Variants in FAM135B observed in about 807,000 individuals in gnomAD.
The protein encoded by FAM135B is family with sequence similarity 135 member B, also known as protein FAM135B.
In FAM135B, 43 loss-of-function variants were observed where a neutral mutation model predicts 127.7. That is an observed-to-expected ratio of 0.34 (90% confidence interval 0.26 to 0.43). The LOEUF is 0.43. Ranked by LOEUF, FAM135B falls within the 20% of genes least tolerant of loss-of-function variation. FAM135B has a pLI of 1.00. For synonymous variants in FAM135B, 670 were observed against 665.1 expected (o/e 1.01, Z -0.11); for missense variants, 1,558 against 1,725.6 (o/e 0.90, Z 1.72).
intron 1 of FAM135B, among the ~76,000 whole-genome samples, chr8:138,388,691 T>C (rs140415910): frequency 1.3e-5 from 2 of 152,262 alleles, no homozygotes; most frequent in East Asian, 3.9e-4. Flanking sequence ...TTGTAGAAGA[T>C]GAAACAACCT....
intron 5 of FAM135B, 119 bp from the exon 6 acceptor site, chr8:138,251,133 A>C: frequency 8.8e-7 from 1 of 1,139,862 alleles, no homozygotes; most frequent in Non-Finnish European, 1.3e-6. Context: ...ATCTCGTTCA[A>C]TCCTGCAAAT....
At chr8:138,186,134 T>A (rs868674807) in intron 9 of FAM135B, among the ~76,000 whole-genome samples, 3 of 152,226 alleles carry the variant, frequency 2.0e-5, no homozygotes, top group African/African-American at 7.2e-5. Context: ...CCAGGCAAGA[T>A]AAGGTGCCCG....
intron 9 of FAM135B, among the ~76,000 whole-genome samples, chr8:138,187,364 G>T: frequency 6.6e-6 from 1 of 152,298 alleles, no homozygotes; most frequent in African/African-American, 2.4e-5. Context: ...AGATCCAGGA[G>T]GGATGGAGAG....
At chr8:138,143,794 G>A (rs190352232) in intron 15 of FAM135B, among the ~76,000 whole-genome samples, 51 of 152,324 alleles carry the variant, frequency 3.3e-4, no homozygotes, top group Middle Eastern at 3.4e-3. Context: ...TTCCTCATAT[G>A]TGGAGCTGTC....
chr8:138,201,490 T>C (rs1052885510), intron 7 of FAM135B, among the ~76,000 whole-genome samples: 4 of 151,962 alleles, frequency 2.6e-5, no homozygotes, highest in African/African-American at 4.8e-5. Flanking sequence ...ACAAAAAAAC[T>C]TCCATTCTTC....
chr8:138,386,873 C>T (rs2056277), intron 1 of FAM135B, among the ~76,000 whole-genome samples: 31,740 of 151,946 alleles, frequency 0.21, 3,600 homozygotes, highest in Non-Finnish European at 0.26. Flanking sequence ...ATGAATGAGA[C>T]GGGAGTTCAA....
At chr8:138,158,885 G>T (rs555196259) in intron 12 of FAM135B, among the ~76,000 whole-genome samples, 25 of 152,272 alleles carry the variant, frequency 1.6e-4, no homozygotes, top group South Asian at 2.1e-4. Flanking sequence ...ACAGTGTGGC[G>T]ATTCCTCAAG....
intron 11 of FAM135B, among the ~76,000 whole-genome samples, chr8:138,176,884 A>AT (rs1280068459): frequency 6.6e-6 from 1 of 151,892 alleles, no homozygotes; most frequent in Non-Finnish European, 1.5e-5. Flanking sequence ...GTACCTTTCA[A>AT]TTTTTTTTCT....
chr8:138,367,815 A>G (rs1830847035), intron 2 of FAM135B, 92 bp downstream of exon 2: 1 of 987,174 alleles, frequency 1.0e-6, no homozygotes. Flanking sequence ...ATTTCCTATA[A>G]TCTGACTTCC....
intron 7 of FAM135B, among the ~76,000 whole-genome samples, chr8:138,207,335 A>G (rs963681116): frequency 4.6e-5 from 7 of 151,512 alleles, no homozygotes. Flanking sequence ...CAGCCTCCCA[A>G]CTAGCTGGGA....
chr8:138,163,981 A>AC (rs535587578), intron 12 of FAM135B, among the ~76,000 whole-genome samples: 19 of 152,192 alleles, frequency 1.2e-4, no homozygotes, highest in Admixed American at 3.3e-4. Context: ...GGTGTGAGCC[A>AC]CCATGCCCAG....
At chr8:138,493,178 G>A (rs10107359) in intron 1 of FAM135B, among the ~76,000 whole-genome samples, 44,504 of 152,132 alleles carry the variant, frequency 0.29, 10,781 homozygotes, top group African/African-American at 0.67. Context: ...AACATTTGAC[G>A]TTTCTGAGCA....
At chr8:138,385,630 G>A (rs553521580) in intron 1 of FAM135B, among the ~76,000 whole-genome samples, 37 of 151,752 alleles carry the variant, frequency 2.4e-4, no homozygotes, top group African/African-American at 8.9e-4. Context: ...GGCCAACATG[G>A]TGAAACACTG....
intron 1 of FAM135B, among the ~76,000 whole-genome samples, chr8:138,373,674 T>C (rs890276232): frequency 6.6e-6 from 1 of 152,084 alleles, no homozygotes; most frequent in African/African-American, 2.4e-5. Flanking sequence ...TGCTGAATTC[T>C]TTTTCTCAGC....
rs60075050 is a variant in FAM135B, at chr8:138,314,542, C to A, written c.78-3622G>T. Among the ~76,000 whole-genome samples, 1,216 of 151,966 alleles carry A rather than the reference C, an allele frequency of 8.0e-3. 14 individuals are homozygous for A. The highest frequency in any genetic ancestry group is 0.028 in the African/African-American group (1,144 of 41,442). On this transcript the variant is annotated intron_variant, in intron 2 of 19. Transcript: ENST00000395297. ...ATGAAAAGATGCTCAAATGTTCATA[C>A]ACAAAAAGCAAAACAGAGTATCAAT...
chr8:138,196,797 G>A (rs371928698), intron 8 of FAM135B, among the ~76,000 whole-genome samples: 22 of 152,118 alleles, frequency 1.4e-4, no homozygotes, highest in African/African-American at 4.8e-4. Flanking sequence ...TACTGAGTGG[G>A]ACATGACACA....
chr8:138,284,944 A>G (rs190319605), intron 3 of FAM135B, among the ~76,000 whole-genome samples: 2 of 152,144 alleles, frequency 1.3e-5, no homozygotes, highest in Non-Finnish European at 2.9e-5. Context: ...TATTGGCTGA[A>G]TGTGGAACTT....
intron 7 of FAM135B, among the ~76,000 whole-genome samples, chr8:138,225,446 CCAAAAAAACAAAAAAAAAA>C (rs963013483): frequency 1.5e-5 from 2 of 129,176 alleles, no homozygotes; most frequent in Non-Finnish European, 3.3e-5. Flanking sequence ...GCTATTTAAG[CCAAAAAAACAAAAAAAAAA>C]CAAAAAAACA....
intron 3 of FAM135B, among the ~76,000 whole-genome samples, chr8:138,272,284 A>G (rs906900056): frequency 6.6e-6 from 1 of 152,206 alleles, no homozygotes; most frequent in African/African-American, 2.4e-5. Flanking sequence ...TCAATCCACC[A>G]ATCAATTTAT....
Sources: gnomAD v4.1 joint callset for allele counts (sites outside exome capture counted in the v4.1 genomes callset) on GRCh38, gnomAD v4.1.1 for gene constraint, MANE v1.5 for transcripts, NCBI Gene and HGNC (gene_info 2026-07-23, HGNC 2026-07-21) for gene names.